The following TENM2 variants were observed in gnomAD, a reference collection of about 807,000 sequenced individuals.
TENM2 encodes teneurin transmembrane protein 2, also known as teneurin-2.
A neutral mutation model predicts 245.2 loss-of-function variants in TENM2; 52 were observed. The ratio of observed to expected loss-of-function variants is 0.21; its 90% confidence interval spans 0.17 to 0.27. TENM2 has a LOEUF of 0.27. TENM2 is among the 10% of genes least tolerant of loss of function. TENM2 has a pLI of 1.00. For missense variants in TENM2, 3,046 were observed against 3,666.8 expected, an observed-to-expected ratio of 0.83 and a Z score of 4.37; for synonymous variants, 1,363 against 1,438.9, an observed-to-expected ratio of 0.95 and a Z score of 1.19.
the TENM2 span, among the ~76,000 whole-genome samples, chr5:167,035,347 G>A: frequency 6.6e-6 from 1 of 152,126 alleles, no homozygotes; most frequent in African/African-American, 2.4e-5. Flanking sequence ...TTCATAATTC[G>A]AGGACTAATA....
chr5:167,920,514 A>ATC (rs1447673100), intron 3 of TENM2, among the ~76,000 whole-genome samples: 2 of 51,586 alleles, frequency 3.9e-5, no homozygotes, highest in Non-Finnish European at 8.1e-5. Flanking sequence ...GCGAAACTCC[A>ATC]TCACACACAC....
intron 2 of TENM2, among the ~76,000 whole-genome samples, chr5:167,826,554 A>G (rs956996817): frequency 6.6e-6 from 1 of 152,202 alleles, no homozygotes; most frequent in Non-Finnish European, 1.5e-5. Context: ...AAGTTGTTAC[A>G]TTTTTGTTTT....
At chr5:167,777,601 G>C (rs1028036297) in intron 2 of TENM2, among the ~76,000 whole-genome samples, 1 of 152,122 alleles carries the variant, frequency 6.6e-6, no homozygotes, top group Non-Finnish European at 1.5e-5. Flanking sequence ...ATTCTCTATA[G>C]TGTCCCCGTT....
At chr5:167,499,044 G>A (rs563934130) in intron 2 of TENM2, among the ~76,000 whole-genome samples, 2 of 152,194 alleles carry the variant, frequency 1.3e-5, no homozygotes, top group East Asian at 1.9e-4. Context: ...TTGTTTCCAT[G>A]TGCTTTTTCT....
At chr5:167,223,922 C>G in the TENM2 span, among the ~76,000 whole-genome samples, 2 of 152,064 alleles carry the variant, frequency 1.3e-5, no homozygotes, top group East Asian at 3.9e-4. Context: ...GGTTTTGATT[C>G]ACATTTCCCT....
chr5:167,316,561 A>G (rs1756375515), intron 1 of TENM2, among the ~76,000 whole-genome samples: 1 of 152,216 alleles, frequency 6.6e-6, no homozygotes, highest in African/African-American at 2.4e-5. Flanking sequence ...GTATCCATAC[A>G]TGTTTACTTG....
intron 3 of TENM2, among the ~76,000 whole-genome samples, chr5:167,924,305 C>A (rs1338455174): frequency 6.6e-6 from 1 of 152,166 alleles, no homozygotes. Context: ...GTCGTGGGGA[C>A]CAGCTCTGAT....
At chr5:167,293,621 G>A (rs970452159) in intron 1 of TENM2, among the ~76,000 whole-genome samples, 6 of 152,086 alleles carry the variant, frequency 3.9e-5, no homozygotes, top group Non-Finnish European at 5.9e-5. Flanking sequence ...AGAGAATATT[G>A]CCTTTCTGAT....
At chr5:168,198,971 C>T in exon 16 of TENM2, 1 of 1,614,048 alleles carries the variant, frequency 6.2e-7, no homozygotes, top group Non-Finnish European at 8.5e-7. Context: ...CATGGACACC[C>T]TGGTGATGAA....
rs190496759 is a variant in TENM2, at chr5:167,957,893, A to G, written c.947+5071A>G. On this transcript the variant is annotated intron_variant, in intron 4 of 28. Coordinates refer to ENST00000518659, the Ensembl canonical transcript of TENM2. Reference sequence around the variant, plus strand: ...TTTGCTGGGGAGTGTTTTACTTCCAATTATGTGGTCAATTTTAGAATAAGT... The same window carrying G: ...TTTGCTGGGGAGTGTTTTACTTCCAGTTATGTGGTCAATTTTAGAATAAGT... Among the ~76,000 whole-genome samples the G allele has an allele frequency of 1.6e-4, 25 of 152,268 alleles. No homozygotes were observed. In the East Asian group the frequency reaches 4.2e-3, roughly 26 times the overall value.
intron 2 of TENM2, among the ~76,000 whole-genome samples, chr5:167,512,339 G>A (rs959038471): frequency 2.0e-5 from 3 of 152,270 alleles, no homozygotes; most frequent in African/African-American, 7.2e-5. Context: ...CTGTTAATGG[G>A]TAACTCTGAT....
intron 2 of TENM2, among the ~76,000 whole-genome samples, chr5:167,638,322 G>A (rs1779347277): frequency 6.6e-6 from 1 of 152,026 alleles, no homozygotes; most frequent in Non-Finnish European, 1.5e-5. Flanking sequence ...CATCACCTAG[G>A]CACAAATAAT....
Position 168,232,607 on chromosome 5 carries a change from G to A in TENM2, c.5520+4477G>A, listed in dbSNP as rs1286601434. On this transcript the variant is annotated intron_variant, in intron 25 of 28. Coordinates refer to ENST00000518659, the Ensembl canonical transcript of TENM2. ...GTCCCCGGGACTGGCAAGCTCCTGG[G>A]AGCCTGGTCAGCTGAGGGGTGTGAG... Among the ~76,000 whole-genome samples the A allele has an allele frequency of 4.6e-5, 7 of 152,194 alleles. 1 individual carries two copies. The highest frequency in any genetic ancestry group is 4.6e-4 in the Admixed American group (7 of 15,286).
chr5:167,833,037 G>A (rs1301120147), intron 2 of TENM2, among the ~76,000 whole-genome samples: 1 of 151,978 alleles, frequency 6.6e-6, no homozygotes, highest in Non-Finnish European at 1.5e-5. Context: ...AACTAAAAAG[G>A]GTACATGGTA....
At chr5:167,696,041 CAAAA>C (rs919068882) in intron 2 of TENM2, among the ~76,000 whole-genome samples, 2 of 141,090 alleles carry the variant, frequency 1.4e-5, no homozygotes, top group Admixed American at 1.4e-4. Context: ...CAAAAAAAAA[CAAAA>C]AAACAAAAAA....
intron 27 of TENM2, among the ~76,000 whole-genome samples, chr5:168,250,104 GTGGATGGATGGA>G (rs57452450): frequency 0.39 from 53,789 of 137,536 alleles, 11,081 homozygotes; most frequent in Middle Eastern, 0.49. Context: ...GGCTGGATGA[GTGGATGGATGGA>G]TGGATGGATG....
At chr5:168,162,059 A>G (rs1264104927) in intron 12 of TENM2, among the ~76,000 whole-genome samples, 1 of 152,106 alleles carries the variant, frequency 6.6e-6, no homozygotes, top group Non-Finnish European at 1.5e-5. Context: ...AAAACTAAAT[A>G]TTACCTGTAC....
At chr5:167,806,308 T>C (rs569244836) in intron 2 of TENM2, among the ~76,000 whole-genome samples, 1 of 152,180 alleles carries the variant, frequency 6.6e-6, no homozygotes, top group Non-Finnish European at 1.5e-5. Flanking sequence ...CTTTCACATA[T>C]CATGTCATAT....
At chr5:166,986,582 C>G in the TENM2 span, among the ~76,000 whole-genome samples, 2 of 152,054 alleles carry the variant, frequency 1.3e-5, no homozygotes, top group Non-Finnish European at 2.9e-5. Flanking sequence ...AAAGTCCATC[C>G]CATTCATACT....
Sources: gnomAD v4.1 joint callset for allele counts (sites outside exome capture counted in the v4.1 genomes callset) on GRCh38, gnomAD v4.1.1 for gene constraint, MANE v1.5 for transcripts, NCBI Gene and HGNC (gene_info 2026-07-23, HGNC 2026-07-21) for gene names.